GNB5: variants seen among roughly 807,000 people sequenced by gnomAD.
GNB5 encodes G protein subunit beta 5, also known as guanine nucleotide-binding protein subunit beta-5.
GNB5 carries 37 observed loss-of-function variants against 55.3 expected under a neutral mutation model. That is an observed-to-expected ratio of 0.67 (90% CI 0.51 to 0.88). GNB5 has a LOEUF of 0.88. Ranked by LOEUF, GNB5 falls within the 40% of genes least tolerant of loss-of-function variation. The pLI, the probability that GNB5 is intolerant of heterozygous loss-of-function variation, is 0.00. For synonymous variants in GNB5, 219 were observed against 198.5 expected (o/e 1.10, Z -0.87); for missense variants, 476 against 515.3 (o/e 0.92, Z 0.74).
At chr15:52,163,883 T>C (rs868324974) in intron 3 of GNB5, among the ~76,000 whole-genome samples, 1 of 152,280 alleles carries the variant, frequency 6.6e-6, no homozygotes, top group East Asian at 1.9e-4. Flanking sequence ...AGGAGCTGGA[T>C]GCCATCTTTG....
At chr15:52,124,401 T>A in intron 12 of GNB5, 72 bp downstream of exon 12, 1 of 1,269,146 alleles carries the variant, frequency 7.9e-7, no homozygotes, top group Admixed American at 2.0e-5. Flanking sequence ...TAGCCTTCCC[T>A]CTGCTTCAGA....
At chr15:52,135,903 C>A in intron 7 of GNB5, 147 bp from the exon 8 acceptor site, 1 of 573,724 alleles carries the variant, frequency 1.7e-6, no homozygotes, top group African/African-American at 3.2e-5. Context: ...ACCCTACCTG[C>A]TGTATCTGGG....
At chr15:52,138,746 T>C (rs2033786001) in intron 7 of GNB5, 1 of 152,162 alleles carries the variant, frequency 6.6e-6, no homozygotes, top group South Asian at 2.1e-4. Flanking sequence ...GTCCAAACAA[T>C]TTTCTTTAAG....
At position 52,117,640 on chromosome 15, in the gene GNB5, T is replaced by G. The variant is rs2033172401; in HGVS notation, c.*5117A>C. ...GAAGGCCAGCCTGGCTCCAGCCAAGTGCTGTCTAGAAGCAGGAGTCTGTGG... is the reference window on the plus strand; with the variant it reads ...GAAGGCCAGCCTGGCTCCAGCCAAGGGCTGTCTAGAAGCAGGAGTCTGTGG... On this transcript the variant is annotated 3_prime_UTR_variant, in exon 13 of 13. Coordinates refer to ENST00000261837, the MANE Select transcript of GNB5 (RefSeq NM_016194.4). 1.3e-5 allele frequency: 2 copies of G among 152,348 alleles called. No homozygotes were observed. The highest frequency in any genetic ancestry group is 6.5e-5 in the Admixed American group (1 of 15,288). 9.4% of individuals were successfully genotyped at this position (152,348 alleles called of 1,614,324 possible). A position where few individuals can be genotyped will look rare whatever the true frequency, so the allele number is the denominator to read the frequency against.
At chr15:52,150,106 T>A (rs1255296193) in intron 4 of GNB5, among the ~76,000 whole-genome samples, 181 bp from the exon 5 acceptor site, 1 of 152,142 alleles carries the variant, frequency 6.6e-6, no homozygotes, top group East Asian at 1.9e-4. Context: ...CAGGAGGGGC[T>A]GGATGTTCCA....
At chr15:52,145,995 C>T (rs1360728062) in intron 6 of GNB5, among the ~76,000 whole-genome samples, 1 of 145,450 alleles carries the variant, frequency 6.9e-6, no homozygotes. Flanking sequence ...CTCGCTCTCT[C>T]CCCCAGGCTG....
chr15:52,186,756 G>A (rs767952356), intron 1 of GNB5, among the ~76,000 whole-genome samples: 1 of 152,200 alleles, frequency 6.6e-6, no homozygotes, highest in Non-Finnish European at 1.5e-5. Flanking sequence ...GGAGGTGACA[G>A]TTGGGGACAT....
chr15:52,154,160 G>A (rs900163410), intron 3 of GNB5, 84 bp from the exon 4 acceptor site: 123 of 1,322,246 alleles, frequency 9.3e-5, no homozygotes, highest in African/African-American at 3.1e-4. Context: ...CATATGTTCC[G>A]CAGAGGGAGG....
chr15:52,189,524 G>A (rs1298452690), intron 1 of GNB5, among the ~76,000 whole-genome samples: 1 of 152,114 alleles, frequency 6.6e-6, no homozygotes, highest in Non-Finnish European at 1.5e-5. Context: ...AGGTTGCAGT[G>A]AGCCAAGATC....
chr15:52,179,598 C>A (rs1373123949), intron 3 of GNB5, among the ~76,000 whole-genome samples, 170 bp downstream of exon 3: 1 of 151,454 alleles, frequency 6.6e-6, no homozygotes, highest in Non-Finnish European at 1.5e-5. Flanking sequence ...GGATCGGGAC[C>A]GCTACCCGCG....
At chr15:52,174,002 ATC>A (rs2034601118) in intron 3 of GNB5, among the ~76,000 whole-genome samples, 1 of 152,196 alleles carries the variant, frequency 6.6e-6, no homozygotes. Context: ...TAAGTTAAGG[ATC>A]TTGAGATGGG....
At chr15:52,175,387 A>G (rs2034630871) in intron 3 of GNB5, among the ~76,000 whole-genome samples, 1 of 152,190 alleles carries the variant, frequency 6.6e-6, no homozygotes, top group Non-Finnish European at 1.5e-5. Flanking sequence ...AGAGGTCATC[A>G]CGAAGCAGGG....
At chr15:52,137,756 A>T (rs1596065708) in intron 7 of GNB5, 1 of 1,199,580 alleles carries the variant, frequency 8.3e-7, no homozygotes, top group East Asian at 5.8e-5. Context: ...TCATAGGCCC[A>T]GCTGGCGGCA....
intron 3 of GNB5, among the ~76,000 whole-genome samples, chr15:52,170,755 C>A (rs1260756787): frequency 2.4e-4 from 36 of 150,042 alleles, no homozygotes; most frequent in Admixed American, 2.1e-3. Context: ...GGAAGGAAAA[C>A]ATTAATAGTC....
In GNB5 at chr15:52,126,020, C is replaced by G; in HGVS notation, c.937G>C (p.Asp313His). Residue 313 changes from aspartate (D) to histidine (H), a missense_variant, in exon 11 of 13, where the codon GAT (aspartate) becomes CAT (histidine). By Grantham distance (81) the Asp-to-His change is moderately conservative (BLOSUM62 -1). Transcript: ENST00000261837. ...TTGGAATAGATGGCAACCTCCCTAT[C>G]TGCCCGCAGGTCATAGAGGCGACAC... ...ATCRLYDLRA[D>H]REVAIYSKES... 1 of 1,582,598 alleles carries G rather than the reference C, an allele frequency of 6.3e-7. No individual in the cohort carries two copies. The highest frequency in any genetic ancestry group is 8.7e-7 in the Non-Finnish European group (1 of 1,154,014).
intron 3 of GNB5, among the ~76,000 whole-genome samples, chr15:52,160,459 C>T (rs562068343): frequency 3.0e-4 from 45 of 152,128 alleles, no homozygotes; most frequent in South Asian, 2.9e-3. Flanking sequence ...CGGAGAGCAA[C>T]GGGGCTTTTG....
rs1191679475 is a variant in GNB5, at chr15:52,116,103, T to C, written c.*6654A>G. ...GGGCTGTTTCAGCTTTGGGCTATTA[T>C]GAGTAATGCTGCTATGAACATTTGC... On this transcript the variant is annotated 3_prime_UTR_variant, in exon 13 of 13. Transcript: ENST00000261837. 6.6e-6 allele frequency: 1 copy of C among 152,274 alleles called. No homozygotes were observed. The highest frequency in any genetic ancestry group is 1.5e-5 in the Non-Finnish European group (1 of 68,044). 9.4% of individuals were successfully genotyped at this position (152,274 alleles called of 1,614,324 possible). A position where few individuals can be genotyped will look rare whatever the true frequency, so the allele number is the denominator to read the frequency against.
At position 52,119,744 on chromosome 15, in the gene GNB5, T is replaced by C. The variant is rs2033222374; in HGVS notation, c.*3013A>G. On this transcript the variant is annotated 3_prime_UTR_variant, in exon 13 of 13. Coordinates refer to ENST00000261837, the MANE Select transcript of GNB5 (RefSeq NM_016194.4). The stretch of plus-strand genomic sequence containing the variant: ...ATTCTGTGACCGTGACAGAGGTGGG[T>C]GTGAATGAAGGCCAGCCCTCTTATG... The C allele has an allele frequency of 6.6e-6, 1 of 151,934 alleles. No homozygotes were observed. Among genetic ancestry groups the C allele is most frequent in the South Asian group, 2.1e-4 (1 of 4,812 alleles). 9.4% of individuals were successfully genotyped at this position (151,934 alleles called of 1,614,324 possible). A position where few individuals can be genotyped will look rare whatever the true frequency, so the allele number is the denominator to read the frequency against.
In GNB5 at chr15:52,147,565, C is replaced by T. The variant is rs750714965; in HGVS notation, c.418-30G>A. The T allele has an allele frequency of 8.3e-6, 10 of 1,205,746 alleles. No individual in the cohort carries two copies. In the Admixed American group the frequency reaches 1.2e-4, roughly 14 times the overall value. 74.7% of individuals were successfully genotyped at this position (1,205,746 alleles called of 1,614,324 possible). On this transcript the variant is annotated intron_variant, in intron 5 of 12. Transcript: ENST00000261837. ...AACACAGCACAGAGTGAACAACTAG[C>T]ACTTCCACACAAAAATCTTTTTTTT...
Sources: allele counts gnomAD v4.1 joint callset (sites outside exome capture counted in the v4.1 genomes callset), GRCh38; gene constraint gnomAD v4.1.1; transcripts MANE v1.5; gene names NCBI Gene and HGNC (gene_info 2026-07-23, HGNC 2026-07-21).